The following PTPRN2 variants were observed in gnomAD, a reference collection of about 807,000 sequenced individuals.
The protein encoded by PTPRN2 is protein tyrosine phosphatase receptor type N2.
Under a neutral mutation model 118.8 loss-of-function variants are expected in PTPRN2, and 74 were observed. The ratio of observed to expected loss-of-function variants is 0.62; its 90% CI spans 0.52 to 0.76. The LOEUF (loss-of-function observed/expected upper bound fraction) is 0.76. Ranked by LOEUF, PTPRN2 falls within the 30% of genes least tolerant of loss-of-function variation. The probability of loss-of-function intolerance (pLI) is 0.00; values close to 1 mark genes in which losing one functional copy is unlikely to be tolerated. For synonymous variants in PTPRN2, 641 were observed against 608.0 expected (o/e 1.05, Z -0.80); for missense variants, 1,481 against 1,394.4 (o/e 1.06, Z -0.99).
At chr7:157,889,675 A>G (rs28439955) in intron 12 of PTPRN2, among the ~76,000 whole-genome samples, 1 of 152,236 alleles carries the variant, frequency 6.6e-6, no homozygotes, top group African/African-American at 2.4e-5. Context: ...GGCTCCTCCC[A>G]TAACCTGCTG....
At chr7:158,315,151 C>A (rs1214986725) in intron 3 of PTPRN2, among the ~76,000 whole-genome samples, 29 of 121,184 alleles carry the variant, frequency 2.4e-4, no homozygotes, top group African/African-American at 8.3e-4. Context: ...CCGGGACCCC[C>A]TGAAGGACAG....
intron 3 of PTPRN2, among the ~76,000 whole-genome samples, chr7:158,282,705 G>A (rs913953919): frequency 1.1e-4 from 16 of 148,982 alleles, no homozygotes; most frequent in African/African-American, 3.5e-4. Flanking sequence ...CCGGACAGAC[G>A]GCTGATCCCT....
Position 158,555,468 on chromosome 7 carries a change from G to GGCAGGA in PTPRN2, c.112+32084_112+32089dup, listed in dbSNP as rs1465669156. Among the ~76,000 whole-genome samples, 8 of 152,320 alleles carry GGCAGGA rather than the reference G, an allele frequency of 5.3e-5. No homozygotes were observed. The East Asian group carries it at 1.5e-3, about 29-fold the overall frequency. On this transcript the variant is annotated intron_variant, in intron 1 of 22. Coordinates refer to ENST00000389418, the MANE Select transcript of PTPRN2 (RefSeq NM_002847.5). This position sits in a 1 kb window ranked among gnomAD's most constrained non-coding sequence, Gnocchi z 4.7. ...CCCAACACTGACGTCACCGGGGTGG[G>GGCAGGA]GCAGGAGCAGGAAGAGGCCCATGCT... is the stretch of plus-strand genomic sequence containing the variant.
rs1003499517 is a variant in PTPRN2, at chr7:157,779,763, G to A, written c.1789-96826C>T. 6.6e-6 allele frequency among the ~76,000 whole-genome samples: 1 copy of A among 152,180 alleles called. No homozygotes were observed. Among genetic ancestry groups the A allele is most frequent in the Non-Finnish European group, 1.5e-5 (1 of 68,024 alleles). ...CTGTGGCCTGAATGCTCACCCTATGGCTGGGTCACCCAGGGCACCCCGAGG... is the reference window on the plus strand; with the variant it reads ...CTGTGGCCTGAATGCTCACCCTATGACTGGGTCACCCAGGGCACCCCGAGG... On this transcript the variant is annotated intron_variant, in intron 12 of 22. Transcript: ENST00000389418. The surrounding 1 kb of genome is among the most constrained non-coding windows in gnomAD (Gnocchi z 4.7).
rs1797810620 is a variant in PTPRN2 at position 157,696,847 on chromosome 7, TCACCG to T, written c.1789-13915_1789-13911del. Among the ~76,000 whole-genome samples the T allele has an allele frequency of 2.4e-4, 27 of 110,746 alleles. 1 individual carries two copies. Among genetic ancestry groups the T allele is most frequent in the African/African-American group, 9.8e-4 (27 of 27,492 alleles). 72.7% of individuals were successfully genotyped at this position (110,746 alleles called of 152,430 possible). On this transcript the variant is annotated intron_variant, in intron 12 of 22. Coordinates refer to ENST00000389418, the MANE Select transcript of PTPRN2 (RefSeq NM_002847.5). ...TGCATACTGGGTCTTGGCAGAGCCC[TCACCG>T]TCTACACATGCATACTGGGTCTTGG...
intron 11 of PTPRN2, among the ~76,000 whole-genome samples, chr7:158,078,958 C>T (rs541977755): frequency 2.0e-5 from 3 of 152,242 alleles, no homozygotes; most frequent in African/African-American, 7.2e-5. Flanking sequence ...AGTGATTCTC[C>T]CACCTCAGCC....
intron 11 of PTPRN2, among the ~76,000 whole-genome samples, chr7:157,918,398 A>G (rs1485435727): frequency 6.6e-6 from 1 of 152,240 alleles, no homozygotes; most frequent in East Asian, 1.9e-4. Flanking sequence ...CAGGTAAACC[A>G]TCGAAGGAAC....
At chr7:157,743,331 C>T (rs879425491) in intron 12 of PTPRN2, among the ~76,000 whole-genome samples, 1 of 152,128 alleles carries the variant, frequency 6.6e-6, no homozygotes. Context: ...ATCCTCCTGG[C>T]TAAGCTGTGG....
intron 5 of PTPRN2, among the ~76,000 whole-genome samples, chr7:158,178,168 C>A (rs1413505288): frequency 6.6e-6 from 1 of 152,166 alleles, no homozygotes; most frequent in Non-Finnish European, 1.5e-5. Flanking sequence ...CATTTATCCT[C>A]TTTGGTGAAG....
At chr7:158,581,414 G>A (rs1828620806) in intron 1 of PTPRN2, among the ~76,000 whole-genome samples, 2 of 152,174 alleles carry the variant, frequency 1.3e-5, no homozygotes, top group Admixed American at 1.3e-4. Flanking sequence ...TGTGAAGGGA[G>A]CACACTGGGA....
At chr7:158,021,705 G>C (rs1185186062) in intron 11 of PTPRN2, among the ~76,000 whole-genome samples, 2 of 152,058 alleles carry the variant, frequency 1.3e-5, no homozygotes, top group Non-Finnish European at 2.9e-5. Context: ...GCCTCGGGAG[G>C]AGCAGCCCTG....
chr7:158,073,966 A>G (rs930001925), intron 11 of PTPRN2, among the ~76,000 whole-genome samples: 2 of 152,140 alleles, frequency 1.3e-5, no homozygotes, highest in African/African-American at 4.8e-5. Flanking sequence ...CCCCTCCAGC[A>G]CAGCTCATCT....
In PTPRN2 at chr7:158,565,027, A is replaced by G. The variant is rs1393208872; in HGVS notation, c.112+22531T>C. ...TAACGGCTTTACACAAACTCTAAAAAGTCATCCCAGCCATGCATGGACCCA... is the reference window on the plus strand; with the variant it reads ...TAACGGCTTTACACAAACTCTAAAAGGTCATCCCAGCCATGCATGGACCCA... On this transcript the variant is annotated intron_variant, in intron 1 of 22. Coordinates refer to ENST00000389418, the MANE Select transcript of PTPRN2 (RefSeq NM_002847.5). This position sits in a 1 kb window ranked among gnomAD's most constrained non-coding sequence, Gnocchi z 4.6. Among the ~76,000 whole-genome samples the G allele has an allele frequency of 6.6e-6, 1 of 152,202 alleles. No individual in the cohort carries two copies. Among genetic ancestry groups the G allele is most frequent in the East Asian group, 1.9e-4 (1 of 5,190 alleles).
At chr7:157,904,255 TC>T (rs1170747691) in intron 11 of PTPRN2, among the ~76,000 whole-genome samples, 1 of 152,196 alleles carries the variant, frequency 6.6e-6, no homozygotes, top group Non-Finnish European at 1.5e-5. Flanking sequence ...ACCAGGATTC[TC>T]CTGATTTCTT....
rs575527198 is a variant in PTPRN2, at chr7:157,838,884, C to T, written c.1788+59789G>A. On this transcript the variant is annotated intron_variant, in intron 12 of 22. Coordinates refer to ENST00000389418, the MANE Select transcript of PTPRN2 (RefSeq NM_002847.5). Reference sequence around the variant, plus strand: ...GATGGCACGGGAGAAAGCTCCTCTCCGCCGTGGCTACTCCAGTTCCTCTCG... The same window carrying T: ...GATGGCACGGGAGAAAGCTCCTCTCTGCCGTGGCTACTCCAGTTCCTCTCG... 1.3e-4 allele frequency among the ~76,000 whole-genome samples: 12 copies of T among 93,684 alleles called. No individual in the cohort carries two copies. In the East Asian group the frequency reaches 1.9e-3, roughly 15 times the overall value. 61.5% of individuals were successfully genotyped at this position (93,684 alleles called of 152,430 possible).
chr7:157,745,783 C>T (rs1183291560), intron 12 of PTPRN2, among the ~76,000 whole-genome samples: 3 of 152,164 alleles, frequency 2.0e-5, no homozygotes, highest in Non-Finnish European at 4.4e-5. Flanking sequence ...GGTTCCTACC[C>T]ATTTCCAGGC....
intron 17 of PTPRN2, among the ~76,000 whole-genome samples, chr7:157,584,674 G>A (rs1439073926): frequency 2.0e-5 from 3 of 152,212 alleles, no homozygotes; most frequent in African/African-American, 7.2e-5. Context: ...GCTGAACAGA[G>A]GTTTAGACTT....
At chr7:158,261,365 G>C (rs1445422284) in intron 3 of PTPRN2, among the ~76,000 whole-genome samples, 2 of 152,062 alleles carry the variant, frequency 1.3e-5, no homozygotes, top group Non-Finnish European at 2.9e-5. Context: ...TAAAGCACAC[G>C]AACTTGTGAG....
intron 11 of PTPRN2, among the ~76,000 whole-genome samples, chr7:157,970,314 G>A (rs138078944): frequency 1.3e-5 from 2 of 152,222 alleles, no homozygotes; most frequent in African/African-American, 4.8e-5. Context: ...AGAAAGCATC[G>A]TGGAAGCAAT....
Sources: gnomAD v4.1 joint callset for allele counts (sites outside exome capture counted in the v4.1 genomes callset) on GRCh38, gnomAD v4.1.1 for gene constraint, Gnocchi (gnomAD v3.1) non-coding constraint, MANE v1.5 for transcripts, NCBI Gene and HGNC (gene_info 2026-07-23, HGNC 2026-07-21) for gene names.